Variants in CHCHD6 observed in about 807,000 individuals in gnomAD.
CHCHD6 encodes coiled-coil-helix-coiled-coil-helix domain containing 6.
A neutral mutation model predicts 32.3 loss-of-function variants in CHCHD6; 28 were observed. The ratio of observed to expected loss-of-function variants is 0.87; its 90% CI spans 0.64 to 1.19. CHCHD6 has a LOEUF of 1.19. Among genes scored for constraint, CHCHD6 ranks in the 50% most tolerant of loss-of-function variants. The pLI is 0.00. For synonymous variants in CHCHD6, 122 were observed against 117.5 expected (o/e 1.04, Z -0.25); for missense variants, 333 against 307.0 (o/e 1.08, Z -0.63).
chr3:126,761,530 GTCC>G (rs1937162186), intron 4 of CHCHD6, among the ~76,000 whole-genome samples: 1 of 152,128 alleles, frequency 6.6e-6, no homozygotes, highest in African/African-American at 2.4e-5. Flanking sequence ...GGCTCAAGCA[GTCC>G]TCCTTCCTCA....
chr3:126,870,550 G>A (rs2077452088), intron 5 of CHCHD6, among the ~76,000 whole-genome samples: 1 of 152,086 alleles, frequency 6.6e-6, no homozygotes, highest in Admixed American at 6.5e-5. Flanking sequence ...GGATGGCGCT[G>A]TGCTGTGCCT....
At chr3:126,946,613 C>T (rs937347351) in intron 6 of CHCHD6, among the ~76,000 whole-genome samples, 3 of 152,170 alleles carry the variant, frequency 2.0e-5, no homozygotes, top group South Asian at 2.1e-4. Context: ...GCGTGTTGAT[C>T]GATGGCAGGA....
chr3:126,795,271 T>C (rs970990566), intron 4 of CHCHD6, among the ~76,000 whole-genome samples: 7 of 152,216 alleles, frequency 4.6e-5, no homozygotes, highest in African/African-American at 1.7e-4. Context: ...AGGGTATTTA[T>C]TCTGTTTTTA....
intron 4 of CHCHD6, among the ~76,000 whole-genome samples, chr3:126,759,187 C>T (rs1248495838): frequency 1.3e-5 from 2 of 152,236 alleles, no homozygotes; most frequent in African/African-American, 2.4e-5. Context: ...AAATGATTTA[C>T]TCAGATGCTT....
Position 126,727,064 on chromosome 3 carries a change from T to G in CHCHD6, c.88-14T>G. Reference sequence around the variant, plus strand: ...GACATAACTTTTTCTTTTCCCTCTTTTCTGCTTCCTTAGCTGTCTGAAAAC... The same window carrying G: ...GACATAACTTTTTCTTTTCCCTCTTGTCTGCTTCCTTAGCTGTCTGAAAAC... On this transcript the variant is annotated splice_polypyrimidine_tract_variant and intron_variant, in intron 1 of 7. Transcript: ENST00000290913. 2 of 1,598,556 alleles carry G rather than the reference T, an allele frequency of 1.3e-6. No individual in the cohort carries two copies. The highest frequency in any genetic ancestry group is 1.3e-5 in the African/African-American group (1 of 74,652).
intron 4 of CHCHD6, among the ~76,000 whole-genome samples, chr3:126,805,049 C>G (rs1307489768): frequency 6.6e-6 from 1 of 152,136 alleles, no homozygotes; most frequent in Non-Finnish European, 1.5e-5. Flanking sequence ...TGGGACGTAT[C>G]TCAAAATAAT....
intron 5 of CHCHD6, among the ~76,000 whole-genome samples, chr3:126,882,739 C>T (rs774062968): frequency 3.3e-5 from 5 of 152,194 alleles, no homozygotes; most frequent in Admixed American, 6.5e-5. Context: ...AGAGCCAGGA[C>T]GCTCCTTGTA....
intron 3 of CHCHD6, among the ~76,000 whole-genome samples, chr3:126,732,162 A>G (rs1412366236): frequency 6.6e-6 from 1 of 152,080 alleles, no homozygotes; most frequent in Non-Finnish European, 1.5e-5. Context: ...CATTTTAAAA[A>G]TGGTAAAGTA....
chr3:126,907,744 G>T (rs545008863), intron 5 of CHCHD6, among the ~76,000 whole-genome samples: 1 of 152,260 alleles, frequency 6.6e-6, no homozygotes, highest in Admixed American at 6.5e-5. Context: ...TCAACCCTTG[G>T]CCCTTTTCCA....
chr3:126,796,369 C>A (rs1214572816), intron 4 of CHCHD6, among the ~76,000 whole-genome samples: 1 of 152,098 alleles, frequency 6.6e-6, no homozygotes, highest in Non-Finnish European at 1.5e-5. Flanking sequence ...ATCACTAATT[C>A]AAATCAGTGA....
intron 4 of CHCHD6, among the ~76,000 whole-genome samples, chr3:126,777,436 G>A (rs542790274): frequency 2.0e-5 from 3 of 152,274 alleles, no homozygotes; most frequent in South Asian, 2.1e-4. Flanking sequence ...TCAGAACCAC[G>A]TGAAATAGCC....
At chr3:126,793,994 T>C (rs906942284) in intron 4 of CHCHD6, among the ~76,000 whole-genome samples, 2 of 152,170 alleles carry the variant, frequency 1.3e-5, no homozygotes, top group Non-Finnish European at 2.9e-5. Context: ...TAATGTGTCA[T>C]TCATTTCTTG....
chr3:126,956,921 AT>A (rs2078793366), intron 6 of CHCHD6: 2 of 157,462 alleles, frequency 1.3e-5, no homozygotes, highest in Admixed American at 6.1e-5. Context: ...AGGAAAAAAA[AT>A]AAGTCACATG....
intron 4 of CHCHD6, among the ~76,000 whole-genome samples, chr3:126,785,143 G>C (rs550236044): frequency 9.9e-5 from 15 of 152,204 alleles, no homozygotes; most frequent in African/African-American, 3.1e-4. Flanking sequence ...TGACATCTTG[G>C]GTTGGATGCT....
intron 4 of CHCHD6, among the ~76,000 whole-genome samples, chr3:126,851,125 G>C (rs531993654): frequency 2.0e-5 from 3 of 152,190 alleles, no homozygotes; most frequent in Admixed American, 2.0e-4. Context: ...ACTCTCAGGG[G>C]TTCAGCCAGC....
At chr3:126,880,141 AC>A (rs1418612898) in intron 5 of CHCHD6, among the ~76,000 whole-genome samples, 2 of 152,118 alleles carry the variant, frequency 1.3e-5, no homozygotes, top group Non-Finnish European at 2.9e-5. Flanking sequence ...GGTGTGATAC[AC>A]CTGGGATAAG....
At chr3:126,766,708 C>T in intron 4 of CHCHD6, 2 of 1,136,908 alleles carry the variant, frequency 1.8e-6, no homozygotes, top group South Asian at 1.2e-5. Context: ...CTGGATTATC[C>T]AGCCACAGAG....
intron 5 of CHCHD6, chr3:126,865,424 G>GCCACCTCTA (rs1341413053): frequency 1.3e-4 from 34 of 268,512 alleles, no homozygotes; most frequent in Admixed American, 2.6e-4. Context: ...AACCACCACT[G>GCCACCTCTA]CCACCTCTAC....
intron 1 of CHCHD6, among the ~76,000 whole-genome samples, chr3:126,708,611 C>T (rs1934610873): frequency 6.7e-6 from 1 of 149,916 alleles, no homozygotes; most frequent in Non-Finnish European, 1.5e-5. Flanking sequence ...TCACCTGAGC[C>T]CAGTGGTTCG....
Sources: gnomAD v4.1 joint callset for allele counts (sites outside exome capture counted in the v4.1 genomes callset) on GRCh38, gnomAD v4.1.1 for gene constraint, MANE v1.5 for transcripts, NCBI Gene and HGNC (gene_info 2026-07-23, HGNC 2026-07-21) for gene names.